The following C11orf91 variants were observed in gnomAD, a reference collection of about 807,000 sequenced individuals.
The protein encoded by C11orf91 is chromosome 11 open reading frame 91.
C11orf91 carries 10 observed loss-of-function variants against 14.3 expected under a neutral mutation model. The observed-to-expected ratio is 0.70, with a 90% CI of 0.43 to 1.18. The LOEUF (loss-of-function observed/expected upper bound fraction) is 1.18, where lower values mean the gene tolerates loss of function less well. C11orf91 is among the 50% of genes most tolerant of loss of function. The pLI is 0.00. For missense variants in C11orf91, 236 were observed against 269.0 expected, an observed-to-expected ratio of 0.88 and a Z score of 0.86; for synonymous variants, 141 against 130.6, an observed-to-expected ratio of 1.08 and a Z score of -0.54.
At chr11:33,699,506 T>A in intron 1 of C11orf91, 2 of 455,050 alleles carry the variant, frequency 4.4e-6, no homozygotes, top group Non-Finnish European at 8.8e-6. Flanking sequence ...TTGCAATAGG[T>A]CCTTCTTGGA....
intron 1 of C11orf91, 44 bp downstream of exon 1, chr11:33,700,201 G>A: frequency 6.6e-7 from 1 of 1,509,678 alleles, no homozygotes; most frequent in Non-Finnish European, 8.8e-7. Flanking sequence ...AGGGAGCTAG[G>A]GCAGGCTAAG....
At chr11:33,698,591 A>G in intron 1 of C11orf91, 77 bp from the exon 2 acceptor site, 1 of 1,040,008 alleles carries the variant, frequency 9.6e-7, no homozygotes, top group South Asian at 1.4e-5. Context: ...AACTCTTGGG[A>G]AGCAACTGTG....
At chr11:33,703,074 T>A (rs1255698465), upstream of C11orf91, 1 of 152,250 alleles carries the variant, frequency 6.6e-6, no homozygotes, top group African/African-American at 2.4e-5. Context: ...TTTTTATGTA[T>A]ATATCTAGTT....
Position 33,700,516 on chromosome 11 carries a change from C to CGGGGGGGGGGGGGGG in C11orf91, c.224_225insCCCCCCCCCCCCCCC (p.Pro76_Pro80dup). The stretch of plus-strand genomic sequence containing the variant: ...GACCCAGGCCGGGTGGTGGCGGGGG[C>CGGGGGGGGGGGGGGG]GGGGGCGCCGGGGCGGGGAGCGCCT... On this transcript the variant is annotated inframe_insertion, in exon 1 of 2. Coordinates refer to ENST00000379011, the MANE Select transcript of C11orf91 (RefSeq NM_001166692.2). 3.9e-6 allele frequency: 1 copy of CGGGGGGGGGGGGGGG among 253,212 alleles called. No individual in the cohort carries two copies. Among genetic ancestry groups the CGGGGGGGGGGGGGGG allele is most frequent in the Non-Finnish European group, 6.2e-6 (1 of 162,428 alleles). The allele number at this position is 253,212 out of a possible 1,614,324, so 15.7% of individuals were successfully genotyped here. A position where few individuals can be genotyped will look rare whatever the true frequency, so the allele number is the denominator to read the frequency against.
chr11:33,700,282 C>A lies in C11orf91; in HGVS notation c.459G>T (p.Leu153Phe). Residue 153 changes from leucine to phenylalanine, a missense_variant, in exon 1 of 2, where the codon TTG (leucine) becomes TTT (phenylalanine). Transcript: ENST00000379011. The part of the protein sequence containing the change: ...ELEIRIKELE[L>F]LTITGDGFDS... ...CGAAGCCGTCCCCAGTGATGGTGAG[C>A]AACTCCAGCTCCTTAATCCGGATCT... 6.5e-7 allele frequency: 1 copy of A among 1,534,782 alleles called. No individual in the cohort carries two copies. The highest frequency in any genetic ancestry group is 8.7e-7 in the Non-Finnish European group (1 of 1,146,344).
At chr11:33,702,346 A>G (rs1853142109), upstream of C11orf91, among the ~76,000 whole-genome samples, 1 of 152,128 alleles carries the variant, frequency 6.6e-6, no homozygotes, top group African/African-American at 2.4e-5. Flanking sequence ...GCCACTCAGG[A>G]GCTGAAGTGG....
intron 1 of C11orf91, among the ~76,000 whole-genome samples, chr11:33,698,774 A>ATTTTTTTT (rs55712821): frequency 4.8e-5 from 5 of 104,606 alleles, no homozygotes; most frequent in Non-Finnish European, 5.5e-5. Context: ...TCTTCTTCTA[A>ATTTTTTTT]TTTTTTTTTT....
At position 33,700,654 on chromosome 11, in the gene C11orf91, G is replaced by A; in HGVS notation, c.87C>T (p.Arg29=). ...PPLYFPSLYD[R]GISSSPLSDF... is the part of the protein sequence containing the mutation. ...CGCTGAGCGGGGACGAGGAGATGCC[G>A]CGGTCGTACAGGGACGGGAAATAGA... Residue 29 remains arginine (R), a synonymous_variant, in exon 1 of 2, where the codon CGC becomes CGT. Coordinates refer to ENST00000379011, the MANE Select transcript of C11orf91 (RefSeq NM_001166692.2). 1.4e-6 allele frequency: 2 copies of A among 1,472,242 alleles called. No homozygotes were observed. Among genetic ancestry groups the A allele is most frequent in the Non-Finnish European group, 1.8e-6 (2 of 1,115,792 alleles). The allele number at this position is 1,472,242 out of a possible 1,614,324, so 91.2% of individuals were successfully genotyped here.
chr11:33,700,594 C>T lies in C11orf91; in HGVS notation c.147G>A (p.Leu49=). The change falls in exon 1 of 2, where the codon CTG becomes CTA. Residue 49 remains leucine (L), a synonymous_variant. Coordinates refer to ENST00000379011, the MANE Select transcript of C11orf91 (RefSeq NM_001166692.2). ...FNIWKKLFVP[L]KAGGAPVGGA... ...CGCCCACTGGCGCCCCGCCCGCCTT[C>T]AGCGGCACGAAGAGCTTCTTCCAGA... 6.8e-7 allele frequency: 1 copy of T among 1,463,886 alleles called. No individual in the cohort carries two copies. 90.7% of individuals were successfully genotyped at this position (1,463,886 alleles called of 1,614,324 possible).
upstream of C11orf91, chr11:33,703,533 C>T (rs1413341869): frequency 6.6e-6 from 1 of 152,208 alleles, no homozygotes; most frequent in Non-Finnish European, 1.5e-5. Flanking sequence ...TCATTTGGAA[C>T]CAACTGAGAG....
chr11:33,700,902 G>C, upstream of C11orf91: 1 of 610,462 alleles, frequency 1.6e-6, no homozygotes, highest in Non-Finnish European at 2.3e-6. Context: ...TCCAAAGCCC[G>C]GACGACCACG....
chr11:33,699,784 C>T (rs1853089710), intron 1 of C11orf91, among the ~76,000 whole-genome samples: 2 of 152,344 alleles, frequency 1.3e-5, no homozygotes, highest in South Asian at 4.1e-4. Flanking sequence ...ACAACTCCCA[C>T]CTCCCCCTAC....
chr11:33,700,968 A>T (rs1003293517), upstream of C11orf91, among the ~76,000 whole-genome samples: 2 of 151,972 alleles, frequency 1.3e-5, no homozygotes, highest in African/African-American at 4.8e-5. Flanking sequence ...TTAGAAAGCC[A>T]CGCCCCCTGG....
upstream of C11orf91, among the ~76,000 whole-genome samples, chr11:33,701,754 A>AGTGTGTGTGTGT (rs35903408): frequency 0.02 from 2,947 of 149,000 alleles, 87 homozygotes; most frequent in African/African-American, 0.066. Context: ...CACAGTGCAA[A>AGTGTGTGTGTGT]GTGTGTGTGT....
chr11:33,706,366 T>C, the C11orf91 span: 1 of 152,200 alleles, frequency 6.6e-6, no homozygotes, highest in South Asian at 2.1e-4. Context: ...TTTTCACTTA[T>C]GTCCAAGTCA....
chr11:33,703,885 T>A (rs956887912), upstream of C11orf91: 1 of 152,264 alleles, frequency 6.6e-6, no homozygotes, highest in African/African-American at 2.4e-5. Flanking sequence ...GGCTGACTCA[T>A]TGCAGTTGGC....
At position 33,700,576 on chromosome 11, in the gene C11orf91, T is replaced by G. The variant is rs998949408; in HGVS notation, c.165A>C (p.Pro55=). ...ACCGGGCCCCCGCCGCCCCGCCCACTGGCGCCCCGCCCGCCTTCAGCGGCA... is the reference window on the plus strand; with the variant it reads ...ACCGGGCCCCCGCCGCCCCGCCCACGGGCGCCCCGCCCGCCTTCAGCGGCA... ...LFVPLKAGGA[P]VGGAAGARSL... is the part of the protein sequence containing the mutation. The change falls in exon 1 of 2, where the codon CCA becomes CCC. Residue 55 remains proline (P), a synonymous_variant. Transcript: ENST00000379011. The G allele has an allele frequency of 7.0e-7, 1 of 1,438,312 alleles. No individual in the cohort carries two copies. Among genetic ancestry groups the G allele is most frequent in the Admixed American group, 2.4e-5 (1 of 41,078 alleles). The allele number at this position is 1,438,312 out of a possible 1,614,324, so 89.1% of individuals were successfully genotyped here.
At position 33,700,532 on chromosome 11, in the gene C11orf91, G is replaced by A. The variant is rs1046964007; in HGVS notation, c.209C>T (p.Pro70Leu). ...TGGCGGGGGCGGGGGCGCCGGGGCG[G>A]GGAGCGCCTGGGACAGGGACCGGGC... ...AGARSLSQAL[P>L]APAPPPPPPP... The change falls in exon 1 of 2, where the codon CCC (proline) becomes CTC (leucine). Residue 70 changes from proline to leucine, a missense_variant. By Grantham distance (98) the Pro-to-Leu change is moderately conservative. Transcript: ENST00000379011. The A allele has an allele frequency of 3.0e-6, 4 of 1,354,966 alleles. No homozygotes were observed. Among genetic ancestry groups the A allele is most frequent in the South Asian group, 3.8e-5 (2 of 53,068 alleles). 83.9% of individuals were successfully genotyped at this position (1,354,966 alleles called of 1,614,324 possible).
chr11:33,698,645 G>GA (rs1853065727), intron 1 of C11orf91, 131 bp from the exon 2 acceptor site: 1 of 643,584 alleles, frequency 1.6e-6, no homozygotes. Context: ...AGATGGGAGA[G>GA]AAAAAAACAA....
Sources: allele counts gnomAD v4.1 joint callset (sites outside exome capture counted in the v4.1 genomes callset), GRCh38; gene constraint gnomAD v4.1.1; transcripts MANE v1.5; gene names NCBI Gene and HGNC (gene_info 2026-07-23, HGNC 2026-07-21).